Variants in PPARA observed in about 807,000 individuals in gnomAD.
The protein encoded by PPARA is peroxisome proliferator activated receptor alpha, also known as peroxisome proliferator-activated receptor alpha.
PPARA carries 22 observed loss-of-function variants against 42.2 expected under a neutral mutation model. The ratio of observed to expected loss-of-function variants is 0.52; its 90% CI spans 0.37 to 0.74. The LOEUF (loss-of-function observed/expected upper bound fraction) is 0.74, where lower values mean the gene tolerates loss of function less well. Among genes scored for constraint, PPARA ranks in the 30% least tolerant of loss-of-function variants. The pLI is 0.00. For missense variants in PPARA, 465 were observed against 608.2 expected (o/e 0.76, Z 2.48); for synonymous variants, 242 against 239.3 (o/e 1.01, Z -0.10).
In PPARA at chr22:46,209,623, T is replaced by C. The variant is rs2147492728; in HGVS notation, c.209-5550T>C. 2.0e-5 allele frequency among the ~76,000 whole-genome samples: 3 copies of C among 152,336 alleles called. 1 individual carries two copies. Among genetic ancestry groups the C allele is most frequent in the Middle Eastern group, 3.4e-3 (1 of 294 alleles). On this transcript the variant is annotated intron_variant, in intron 4 of 8. Coordinates refer to ENST00000407236, the MANE Select transcript of PPARA (RefSeq NM_005036.6). The stretch of plus-strand genomic sequence containing the variant: ...ATCCTATCCAGTGTATTTTCCATAT[T>C]AGATATTGTAGTTTTCATAACTAGA...
Position 46,212,450 on chromosome 22 carries a change from G to A in PPARA, c.209-2723G>A, listed in dbSNP as rs1208258459. Reference sequence around the variant, plus strand: ...GCCTCTCCCACCCCCAGCCAGCTCAGAAATGGTTCTTTTTACCATTGCTAT... The same window carrying A: ...GCCTCTCCCACCCCCAGCCAGCTCAAAAATGGTTCTTTTTACCATTGCTAT... On this transcript the variant is annotated intron_variant, in intron 4 of 8. Coordinates refer to ENST00000407236, the MANE Select transcript of PPARA (RefSeq NM_005036.6). This position sits in a 1 kb window ranked among gnomAD's most constrained non-coding sequence, Gnocchi z 4.2. Among the ~76,000 whole-genome samples the A allele has an allele frequency of 6.6e-6, 1 of 152,150 alleles. No individual in the cohort carries two copies. The highest frequency in any genetic ancestry group is 1.5e-5 in the Non-Finnish European group (1 of 68,032).
rs892485946 is a variant in PPARA at position 46,236,941 on chromosome 22, G to A, written c.*1561G>A. 5 of 152,300 alleles carry A rather than the reference G, an allele frequency of 3.3e-5. No homozygotes were observed. Among genetic ancestry groups the A allele is most frequent in the Non-Finnish European group, 5.9e-5 (4 of 68,028 alleles). 9.4% of individuals were successfully genotyped at this position (152,300 alleles called of 1,614,324 possible). On this transcript the variant is annotated 3_prime_UTR_variant, in exon 9 of 9. Coordinates refer to ENST00000407236, the MANE Select transcript of PPARA (RefSeq NM_005036.6). The surrounding 1 kb of genome is among the most constrained non-coding windows in gnomAD (Gnocchi z 5.2). Reference sequence around the variant, plus strand: ...ACCTCAGTCCAGCTGGGAAGGCAGCGTTGATTATGGTAGTTTGTCAAGAAT... The same window carrying A: ...ACCTCAGTCCAGCTGGGAAGGCAGCATTGATTATGGTAGTTTGTCAAGAAT...
chr22:46,238,800 C>T lies in PPARA; in HGVS notation c.*3420C>T, dbSNP rs1480665581. ...GGGTGTCCCACATGTTGGATTCCGTCCCCACCACACTTCCAGAGACCGGAG... is the reference window on the plus strand; with the variant it reads ...GGGTGTCCCACATGTTGGATTCCGTTCCCACCACACTTCCAGAGACCGGAG... On this transcript the variant is annotated 3_prime_UTR_variant, in exon 9 of 9. Transcript: ENST00000407236. The surrounding 1 kb of genome is among the most constrained non-coding windows in gnomAD (Gnocchi z 8.3). 1 of 152,454 alleles carries T rather than the reference C, an allele frequency of 6.6e-6. No homozygotes were observed. Among genetic ancestry groups the T allele is most frequent in the Non-Finnish European group, 1.5e-5 (1 of 68,232 alleles). 9.4% of individuals were successfully genotyped at this position (152,454 alleles called of 1,614,324 possible). A position where few individuals can be genotyped will look rare whatever the true frequency, so the allele number is the denominator to read the frequency against.
At chr22:46,170,539 G>A (rs1320405450) in intron 2 of PPARA, among the ~76,000 whole-genome samples, 3 of 150,288 alleles carry the variant, frequency 2.0e-5, no homozygotes. Context: ...GTGAGCCACT[G>A]CACCGGTCCT....
rs144358661 is a variant in PPARA, at chr22:46,233,574, G to T, written c.1159+1335G>T. ...CAAGTCAGATGAAGGAAGTCCTTGC[G>T]CTCTGGCATAAAGTGTACAAAGACA... On this transcript the variant is annotated intron_variant, in intron 8 of 8. Coordinates refer to ENST00000407236, the MANE Select transcript of PPARA (RefSeq NM_005036.6). This position sits in a 1 kb window ranked among gnomAD's most constrained non-coding sequence, Gnocchi z 7.3. Among the ~76,000 whole-genome samples, 1 of 152,218 alleles carries T rather than the reference G, an allele frequency of 6.6e-6. No individual in the cohort carries two copies. The highest frequency in any genetic ancestry group is 2.4e-5 in the African/African-American group (1 of 41,456).
rs1932776464 is a variant in PPARA at position 46,200,099 on chromosome 22, T to G, written c.208+1508T>G. Among the ~76,000 whole-genome samples the G allele has an allele frequency of 6.6e-6, 1 of 152,196 alleles. No individual in the cohort carries two copies. Among genetic ancestry groups the G allele is most frequent in the Non-Finnish European group, 1.5e-5 (1 of 68,034 alleles). On this transcript the variant is annotated intron_variant, in intron 4 of 8. Coordinates refer to ENST00000407236, the MANE Select transcript of PPARA (RefSeq NM_005036.6). This position sits in a 1 kb window ranked among gnomAD's most constrained non-coding sequence, Gnocchi z 4.8. Reference sequence around the variant, plus strand: ...ACATACACCTATTGCAAAGGGCATCTCAGCTTTAAGGACTCAGTCACCTCC... The same window carrying G: ...ACATACACCTATTGCAAAGGGCATCGCAGCTTTAAGGACTCAGTCACCTCC...
intron 3 of PPARA, among the ~76,000 whole-genome samples, chr22:46,189,956 C>T (rs1008152717): frequency 2.0e-5 from 3 of 152,138 alleles, no homozygotes; most frequent in East Asian, 1.9e-4. Flanking sequence ...CCGCCCACCT[C>T]GGCCTCCCAA....
At chr22:46,151,114 C>G (rs1569176189) in intron 1 of PPARA, 1 of 152,260 alleles carries the variant, frequency 6.6e-6, no homozygotes. Context: ...TCAGAAGGTG[C>G]TTTCCGAGAC....
In PPARA at chr22:46,154,420, C is replaced by G. The variant is rs1031233693; in HGVS notation, c.-127+2450C>G. On this transcript the variant is annotated intron_variant, in intron 2 of 8. Transcript: ENST00000407236. ...ATTGCTTGAGCCCAGGGCTTCAAGA[C>G]CAGCCTGGGCAACCTGGCGAAACCC... 2.0e-5 allele frequency among the ~76,000 whole-genome samples: 3 copies of G among 152,074 alleles called. No homozygotes were observed. In the East Asian group the frequency reaches 5.8e-4, roughly 30 times the overall value.
intron 3 of PPARA, among the ~76,000 whole-genome samples, chr22:46,185,266 G>A (rs1930502480): frequency 6.6e-6 from 1 of 152,122 alleles, no homozygotes; most frequent in Admixed American, 6.5e-5. Context: ...TTGCAATTGA[G>A]TTTGTAATTC....
rs1216055885 is a variant in PPARA at position 46,238,960 on chromosome 22, GC to G, written c.*3581del. ...CTTCCCACCTCGCTTGCCTGTTTCC[GC>G]TTGACCCTTCCTCCAGCTCCGATGA... On this transcript the variant is annotated 3_prime_UTR_variant, in exon 9 of 9. Transcript: ENST00000407236. This position sits in a 1 kb window ranked among gnomAD's most constrained non-coding sequence, Gnocchi z 8.3. 1 of 152,224 alleles carries G rather than the reference GC, an allele frequency of 6.6e-6. No individual in the cohort carries two copies. The highest frequency in any genetic ancestry group is 1.5e-5 in the Non-Finnish European group (1 of 68,076). 9.4% of individuals were successfully genotyped at this position (152,224 alleles called of 1,614,324 possible).
chr22:46,229,232 C>T (rs989312663), intron 7 of PPARA, among the ~76,000 whole-genome samples: 2 of 151,984 alleles, frequency 1.3e-5, no homozygotes, highest in East Asian at 1.9e-4. Context: ...ATACTGCCAT[C>T]GATCCTTGAA....
chr22:46,230,230 G>A lies in PPARA; in HGVS notation c.712-1562G>A, dbSNP rs1425602248. Among the ~76,000 whole-genome samples the A allele has an allele frequency of 6.6e-6, 1 of 152,174 alleles. No individual in the cohort carries two copies. The highest frequency in any genetic ancestry group is 1.5e-5 in the Non-Finnish European group (1 of 68,028). Reference sequence around the variant, plus strand: ...CTACTAAAAATACAAAATTAGCTGGGCGTGGTGGCGCATGCCTGTAATCCC... The same window carrying A: ...CTACTAAAAATACAAAATTAGCTGGACGTGGTGGCGCATGCCTGTAATCCC... On this transcript the variant is annotated intron_variant, in intron 7 of 8. Transcript: ENST00000407236. The surrounding 1 kb of genome is among the most constrained non-coding windows in gnomAD (Gnocchi z 5.0).
At position 46,196,408 on chromosome 22, in the gene PPARA, C is replaced by G. The variant is rs1932238794; in HGVS notation, c.-42-1934C>G. Among the ~76,000 whole-genome samples the G allele has an allele frequency of 6.6e-6, 1 of 152,232 alleles. No homozygotes were observed. Among genetic ancestry groups the G allele is most frequent in the African/African-American group, 2.4e-5 (1 of 41,456 alleles). On this transcript the variant is annotated intron_variant, in intron 3 of 8. Coordinates refer to ENST00000407236, the MANE Select transcript of PPARA (RefSeq NM_005036.6). The surrounding 1 kb of genome is among the most constrained non-coding windows in gnomAD (Gnocchi z 5.6). Reference sequence around the variant, plus strand: ...AGAGCACACCAAAGTGGATGTCACACCCAGCACACATGCCACCGGCTTGGC... The same window carrying G: ...AGAGCACACCAAAGTGGATGTCACAGCCAGCACACATGCCACCGGCTTGGC...
chr22:46,194,431 A>G (rs1228761602), intron 3 of PPARA, among the ~76,000 whole-genome samples: 1 of 152,160 alleles, frequency 6.6e-6, no homozygotes, highest in Non-Finnish European at 1.5e-5. Context: ...TCCTGGCCAG[A>G]AGAGAGAATA....
rs938582057 is a variant in PPARA at position 46,160,345 on chromosome 22, G to A, written c.-127+8375G>A. On this transcript the variant is annotated intron_variant, in intron 2 of 8. Coordinates refer to ENST00000407236, the MANE Select transcript of PPARA (RefSeq NM_005036.6). This position sits in a 1 kb window ranked among gnomAD's most constrained non-coding sequence, Gnocchi z 4.5. ...GGAGTCTCGCTCTGTCACCCAGGCCGGAGTGCAGTGGTGCGATCTCAGCTC... is the reference window on the plus strand; with the variant it reads ...GGAGTCTCGCTCTGTCACCCAGGCCAGAGTGCAGTGGTGCGATCTCAGCTC... Among the ~76,000 whole-genome samples the A allele has an allele frequency of 5.3e-5, 8 of 152,192 alleles. No individual in the cohort carries two copies. Among genetic ancestry groups the A allele is most frequent in the Non-Finnish European group, 1.2e-4 (8 of 68,038 alleles).
chr22:46,220,613 G>A lies in PPARA; in HGVS notation c.711+599G>A, dbSNP rs141631198. The A allele has an allele frequency of 2.2e-3, 343 of 158,438 alleles. 1 individual carries two copies. Among genetic ancestry groups the A allele is most frequent in the African/African-American group, 7.8e-3 (325 of 41,438 alleles). 9.8% of individuals were successfully genotyped at this position (158,438 alleles called of 1,614,324 possible). A position where few individuals can be genotyped will look rare whatever the true frequency, so the allele number is the denominator to read the frequency against. On this transcript the variant is annotated intron_variant, in intron 7 of 8. Transcript: ENST00000407236. ...CTCCCAAAGCACTGGCATTACAGGT[G>A]TGAGTCATGGCACCCAGCATTAACT...
rs1301045333 is a variant in PPARA, at chr22:46,220,007, A to G, written c.704A>G (p.Asn235Ser). Residue 235 changes from asparagine (N) to serine (S), a missense_variant, in exon 7 of 9, where the codon AAC becomes AGC. By Grantham distance (46) the Asn-to-Ser change is conservative (BLOSUM62 1). Around this residue, in one of 2 missense-constraint regions of PPARA, gnomAD observed 313 missense variants for 469.1 expected, o/e 0.67. Coordinates refer to ENST00000407236, the MANE Select transcript of PPARA (RefSeq NM_005036.6). ...ARVILSGKAS[N>S]NPPFVIHDME... ...GTCATCCTCTCAGGAAAGGCCAGTA[A>G]CAATCCAGTAGGTGTTTGCGGCTGT... The G allele has an allele frequency of 4.3e-6, 7 of 1,614,072 alleles. No homozygotes were observed. Among genetic ancestry groups the G allele is most frequent in the Non-Finnish European group, 5.9e-6 (7 of 1,180,030 alleles).
rs1935256874 is a variant in PPARA at position 46,224,584 on chromosome 22, C to T, written c.711+4570C>T. Among the ~76,000 whole-genome samples the T allele has an allele frequency of 6.6e-6, 1 of 152,204 alleles. No homozygotes were observed. Among genetic ancestry groups the T allele is most frequent in the Non-Finnish European group, 1.5e-5 (1 of 68,054 alleles). ...CAGCCCCAGCCACGCCCCACAGAGC[C>T]TCAGGAAGGCACACTGACCTCAGGG... On this transcript the variant is annotated intron_variant, in intron 7 of 8. Transcript: ENST00000407236. The surrounding 1 kb of genome is among the most constrained non-coding windows in gnomAD (Gnocchi z 5.7).
Sources: gnomAD v4.1 joint callset for allele counts (sites outside exome capture counted in the v4.1 genomes callset) on GRCh38, gnomAD v4.1.1 for gene constraint, gnomAD v4.1.1 regional missense constraint, Gnocchi (gnomAD v3.1) non-coding constraint, MANE v1.5 for transcripts, NCBI Gene and HGNC (gene_info 2026-07-23, HGNC 2026-07-21) for gene names.